DIS3L2: variants seen among roughly 807,000 people sequenced by gnomAD.
DIS3L2 encodes the protein DIS3-like exonuclease 2.
Under a neutral mutation model 97.5 loss-of-function variants are expected in DIS3L2, and 34 were observed. The ratio of observed to expected loss-of-function variants is 0.35; its 90% confidence interval spans 0.27 to 0.46. DIS3L2 has a LOEUF of 0.46. Ranked by LOEUF, DIS3L2 falls within the 20% of genes least tolerant of loss-of-function variation. The pLI is 1.00. For synonymous variants in DIS3L2, 435 were observed against 445.2 expected (o/e 0.98, Z 0.29); for missense variants, 1,038 against 1,146.0 (o/e 0.91, Z 1.36).
intron 5 of DIS3L2, 53 bp from the exon 6 acceptor site, chr2:232,087,433 CT>C (rs35104431): frequency 0.2 from 203,309 of 1,021,408 alleles, 8,740 homozygotes; most frequent in African/African-American, 0.48. Context: ...AAAATCTGCT[CT>C]TTTTTTTTTT....
chr2:232,047,029 T>G (rs1362231298), intron 5 of DIS3L2, among the ~76,000 whole-genome samples: 2 of 152,248 alleles, frequency 1.3e-5, no homozygotes, highest in Non-Finnish European at 2.9e-5. Flanking sequence ...CTCATTTTTT[T>G]CTGGAAGGGG....
At chr2:232,148,141 C>T (rs1690274495) in intron 8 of DIS3L2, among the ~76,000 whole-genome samples, 1 of 151,188 alleles carries the variant, frequency 6.6e-6, no homozygotes, top group Admixed American at 6.6e-5. Flanking sequence ...CCTCTGCTTC[C>T]TGGGTTCAAG....
intron 10 of DIS3L2, among the ~76,000 whole-genome samples, chr2:232,220,311 A>G (rs1161378396): frequency 6.6e-6 from 1 of 151,884 alleles, no homozygotes; most frequent in Non-Finnish European, 1.5e-5. Context: ...TGTCTCTAAC[A>G]ACACCAAGTA....
chr2:232,184,110 A>G (rs1008897528), intron 9 of DIS3L2, among the ~76,000 whole-genome samples: 2 of 152,194 alleles, frequency 1.3e-5, no homozygotes, highest in African/African-American at 4.8e-5. Context: ...TCAGATTGTT[A>G]AAAGCCTGTG....
chr2:232,098,262 C>T (rs1380268863), intron 6 of DIS3L2, among the ~76,000 whole-genome samples: 1 of 152,044 alleles, frequency 6.6e-6, no homozygotes, highest in Non-Finnish European at 1.5e-5. Flanking sequence ...CCATCTAAGC[C>T]AGAATGATTG....
At chr2:232,270,872 C>A (rs1047482027) in intron 13 of DIS3L2, among the ~76,000 whole-genome samples, 1 of 91,196 alleles carries the variant, frequency 1.1e-5, no homozygotes, top group Non-Finnish European at 2.2e-5. Flanking sequence ...CTCTCTCTCT[C>A]TCTCTCTCTC....
At chr2:232,013,791 A>T (rs868058083) in intron 1 of DIS3L2, among the ~76,000 whole-genome samples, 1 of 152,154 alleles carries the variant, frequency 6.6e-6, no homozygotes, top group African/African-American at 2.4e-5. Flanking sequence ...ATATAAGGCC[A>T]TCTCTTTCTC....
chr2:232,224,838 T>TAAAAAAAAAA (rs767838664), intron 10 of DIS3L2, among the ~76,000 whole-genome samples: 1 of 121,696 alleles, frequency 8.2e-6, no homozygotes. Flanking sequence ...ACTCTGTCTT[T>TAAAAAAAAAA]AAAAAAAAAA....
At chr2:232,329,789 T>TTGG in intron 14 of DIS3L2, 24 bp from the exon 15 acceptor site, 12 of 368,616 alleles carry the variant, frequency 3.3e-5, no homozygotes, top group East Asian at 7.6e-5. Context: ...CAGCGGTCCC[T>TTGG]CCCATCCCAC....
At chr2:232,079,176 C>T (rs1696307697) in intron 5 of DIS3L2, among the ~76,000 whole-genome samples, 3 of 152,288 alleles carry the variant, frequency 2.0e-5, no homozygotes, top group South Asian at 2.1e-4. Context: ...ATGCTGCTCT[C>T]AACTCAGAAT....
At chr2:232,057,103 G>T (rs1157700511) in intron 5 of DIS3L2, among the ~76,000 whole-genome samples, 1 of 152,146 alleles carries the variant, frequency 6.6e-6, no homozygotes. Context: ...CTACAGCAAT[G>T]TGCAGCAATT....
At chr2:232,157,592 AT>A (rs1351326354) in intron 8 of DIS3L2, among the ~76,000 whole-genome samples, 1 of 152,232 alleles carries the variant, frequency 6.6e-6, no homozygotes, top group Admixed American at 6.5e-5. Flanking sequence ...GGTAGAAGAA[AT>A]GCAGATAGCA....
intron 1 of DIS3L2, among the ~76,000 whole-genome samples, chr2:231,973,848 CAAAAG>C (rs1423905237): frequency 6.6e-6 from 1 of 152,042 alleles, no homozygotes; most frequent in Non-Finnish European, 1.5e-5. Context: ...TGAAGAAAAA[CAAAAG>C]AAACCCCAAC....
chr2:232,328,522 C>T (rs1377191377), intron 14 of DIS3L2: 1 of 150,392 alleles, frequency 6.6e-6, no homozygotes, highest in African/African-American at 2.5e-5. Flanking sequence ...GGCTTTCTTT[C>T]CACGAGCATG....
chr2:232,194,109 C>CAAAAGA (rs1037029675), intron 9 of DIS3L2, among the ~76,000 whole-genome samples: 5 of 149,394 alleles, frequency 3.3e-5, no homozygotes, highest in African/African-American at 7.4e-5. Context: ...GACTCTGTCT[C>CAAAAGA]AAAAGAAAAA....
At chr2:232,290,826 A>C (rs1272065304) in intron 13 of DIS3L2, among the ~76,000 whole-genome samples, 2 of 152,174 alleles carry the variant, frequency 1.3e-5, no homozygotes, top group Non-Finnish European at 2.9e-5. Flanking sequence ...AGACTTTCCA[A>C]CACTAATGAA....
rs1224016797 is a variant in DIS3L2, at chr2:232,086,650, T to TATATATATACAC, written c.367-828_367-827insCACATATATATA. ...ATATACACATATATATATATGTATA[T>TATATATATACAC]ATATATATATGTGTGTGTGTGTGTG... is the stretch of plus-strand genomic sequence containing the variant. On this transcript the variant is annotated intron_variant, in intron 5 of 20. Transcript: ENST00000325385. 3.2e-3 allele frequency among the ~76,000 whole-genome samples: 154 copies of TATATATATACAC among 48,442 alleles called. 4 individuals carry two copies. The highest frequency in any genetic ancestry group is 6.8e-3 in the Middle Eastern group (1 of 148). The allele number at this position is 48,442 out of a possible 152,430, so 31.8% of individuals were successfully genotyped here. A position where few individuals can be genotyped will look rare whatever the true frequency, so the allele number is the denominator to read the frequency against.
chr2:232,278,007 T>C (rs1249914449), intron 13 of DIS3L2, among the ~76,000 whole-genome samples: 1 of 152,224 alleles, frequency 6.6e-6, no homozygotes, highest in African/African-American at 2.4e-5. Context: ...ACTTTCTTAA[T>C]GCAGCACATG....
At chr2:232,097,262 CA>C (rs1697049452) in intron 6 of DIS3L2, among the ~76,000 whole-genome samples, 1 of 152,154 alleles carries the variant, frequency 6.6e-6, no homozygotes, top group South Asian at 2.1e-4. Flanking sequence ...TTCTCCTAAA[CA>C]AACCACATCT....
Sources: gnomAD v4.1 joint callset for allele counts (sites outside exome capture counted in the v4.1 genomes callset) on GRCh38, gnomAD v4.1.1 for gene constraint, MANE v1.5 for transcripts, NCBI Gene and HGNC (gene_info 2026-07-23, HGNC 2026-07-21) for gene names.